VAMP7: variants seen among roughly 807,000 people sequenced by gnomAD.
VAMP7 encodes vesicle associated membrane protein 7.
VAMP7 carries 14 observed loss-of-function variants against 29.6 expected under a neutral mutation model. The ratio of observed to expected loss-of-function variants is 0.47; its 90% confidence interval spans 0.31 to 0.74. The LOEUF (loss-of-function observed/expected upper bound fraction) is 0.74, where lower values mean the gene tolerates loss of function less well. Among genes scored for constraint, VAMP7 ranks in the 30% least tolerant of loss-of-function variants. VAMP7 has a pLI of 0.05. For synonymous variants in VAMP7, 95 were observed against 88.1 expected (o/e 1.08, Z -0.44); for missense variants, 223 against 262.4 (o/e 0.85, Z 1.04).
At chrX:155,930,673 C>A (rs894838023) in intron 6 of VAMP7, among the ~76,000 whole-genome samples, 1 of 149,000 alleles carries the variant, frequency 6.7e-6, no homozygotes, top group Non-Finnish European at 1.5e-5. Context: ...AATTTTTTTT[C>A]TTTTAATTCT....
At chrX:155,897,131 C>A (rs1469909409) in intron 3 of VAMP7, among the ~76,000 whole-genome samples, 1 of 152,000 alleles carries the variant, frequency 6.6e-6, no homozygotes, top group Non-Finnish European at 1.5e-5. Context: ...AAAAAGATTT[C>A]TGTTGGTGAC....
At chrX:155,932,675 T>C (rs2066580125) in intron 6 of VAMP7, among the ~76,000 whole-genome samples, 1 of 152,176 alleles carries the variant, frequency 6.6e-6, no homozygotes, top group Non-Finnish European at 1.5e-5. Flanking sequence ...GATTTCCTCT[T>C]TTCATAATTG....
chrX:155,918,045 A>T (rs2066337996), intron 5 of VAMP7, among the ~76,000 whole-genome samples: 1 of 152,018 alleles, frequency 6.6e-6, no homozygotes, highest in Non-Finnish European at 1.5e-5. Flanking sequence ...GGCTACAGGG[A>T]CTTTGCGGAG....
chrX:155,939,097 A>AC (rs745606929), intron 6 of VAMP7, among the ~76,000 whole-genome samples: 152,232 of 152,234 alleles, frequency 1, 76,115 homozygotes, highest in Middle Eastern at 1. Flanking sequence ...GTGGGACCAT[A>AC]CCAGAGTGGA....
intron 2 of VAMP7, among the ~76,000 whole-genome samples, chrX:155,894,301 G>GTTTTT (rs1195549080): frequency 2.8e-4 from 18 of 64,870 alleles, no homozygotes; most frequent in African/African-American, 8.0e-4. Flanking sequence ...TGTGTCCTTT[G>GTTTTT]TTTTTTTTTT....
intron 2 of VAMP7, among the ~76,000 whole-genome samples, chrX:155,894,544 T>C (rs997192936): frequency 1.3e-5 from 2 of 152,062 alleles, no homozygotes; most frequent in Non-Finnish European, 2.9e-5. Context: ...CTAAATCTAT[T>C]AGGTGCTGTT....
chrX:155,908,595 A>G (rs1168553149), intron 5 of VAMP7, among the ~76,000 whole-genome samples: 3 of 115,854 alleles, frequency 2.6e-5, no homozygotes, highest in Admixed American at 2.6e-4. Context: ...AGGGAGAGCC[A>G]TTTTCTTTTC....
intron 1 of VAMP7, among the ~76,000 whole-genome samples, chrX:155,886,093 C>T (rs1215695180): frequency 6.6e-6 from 1 of 151,892 alleles, no homozygotes; most frequent in Non-Finnish European, 1.5e-5. Context: ...TTTTTCTTCC[C>T]TTCTCTCTCT....
chrX:155,898,271 G>A, intron 4 of VAMP7, 22 bp downstream of exon 4: 1 of 1,609,958 alleles, frequency 6.2e-7, no homozygotes, highest in Non-Finnish European at 8.5e-7. Context: ...CTCAGGATAA[G>A]GTATTTTGAT....
intron 4 of VAMP7, among the ~76,000 whole-genome samples, chrX:155,899,360 G>T (rs1408610689): frequency 6.6e-6 from 1 of 151,742 alleles, no homozygotes; most frequent in Non-Finnish European, 1.5e-5. Context: ...TTTAATTTAT[G>T]TTTTCATGAT....
intron 6 of VAMP7, among the ~76,000 whole-genome samples, chrX:155,930,489 C>CAA (rs35835800): frequency 3.7e-4 from 53 of 145,100 alleles, no homozygotes; most frequent in South Asian, 8.8e-4. Flanking sequence ...CAAAACCAAA[C>CAA]AAAAAAAAAA....
At chrX:155,897,641 A>G (rs932282041) in intron 3 of VAMP7, among the ~76,000 whole-genome samples, 5 of 152,178 alleles carry the variant, frequency 3.3e-5, no homozygotes, top group Non-Finnish European at 5.9e-5. Flanking sequence ...AGACATGAGT[A>G]TGTCACTTGA....
intron 3 of VAMP7, among the ~76,000 whole-genome samples, chrX:155,896,232 A>C (rs753673549): frequency 1.4e-4 from 21 of 152,318 alleles, no homozygotes; most frequent in African/African-American, 4.3e-4. Context: ...GTAGAGTTTT[A>C]GCTTAGCCTC....
chrX:155,902,927 T>G, intron 5 of VAMP7, among the ~76,000 whole-genome samples: 1 of 151,778 alleles, frequency 6.6e-6, no homozygotes, highest in Non-Finnish European at 1.5e-5. Context: ...TTGATTGGAA[T>G]AGTTTCAGAA....
intron 1 of VAMP7, among the ~76,000 whole-genome samples, chrX:155,886,711 TC>T (rs2065869947): frequency 6.6e-6 from 1 of 152,182 alleles, no homozygotes; most frequent in Non-Finnish European, 1.5e-5. Flanking sequence ...AGAATTGAAT[TC>T]AGTATTTTAC....
intron 6 of VAMP7, among the ~76,000 whole-genome samples, chrX:155,921,230 G>A (rs1226876122): frequency 2.6e-5 from 4 of 152,070 alleles, no homozygotes. Context: ...TGAACTAACA[G>A]GTATCTCTCT....
Position 155,891,793 on chromosome X carries a change from A to G in VAMP7, c.146+2181A>G, listed in dbSNP as rs142333006. 4.1e-4 allele frequency among the ~76,000 whole-genome samples: 62 copies of G among 152,298 alleles called. No individual in the cohort carries two copies. In the East Asian group the frequency reaches 0.011, roughly 28 times the overall value. On this transcript the variant is annotated intron_variant, in intron 2 of 7. Transcript: ENST00000286448. ...ACATCCAAAATGGTAGTTAGAGAGT[A>G]TATCATCTTTGGGAATTGTACCCAT...
In VAMP7 at chrX:155,898,219, C is replaced by T. The variant is rs755636475; in HGVS notation, c.312C>T (p.Ser104=). Residue 104 remains serine, a synonymous_variant, in exon 4 of 8, where the codon AGC becomes AGT. Transcript: ENST00000286448. ...AQTALPYAMN[S]EFSSVLAAQL... Reference sequence around the variant, plus strand: ...CAGCACTTCCATATGCCATGAATAGCGAGTTCTCAAGTGTCTTAGCTGCAC... The same window carrying T: ...CAGCACTTCCATATGCCATGAATAGTGAGTTCTCAAGTGTCTTAGCTGCAC... 4 of 1,613,464 alleles carry T rather than the reference C, an allele frequency of 2.5e-6. No homozygotes were observed. Among genetic ancestry groups the T allele is most frequent in the East Asian group, 2.2e-5 (1 of 44,848 alleles).
At chrX:155,898,446 A>G (rs965140799) in intron 4 of VAMP7, among the ~76,000 whole-genome samples, 197 bp downstream of exon 4, 1 of 152,054 alleles carries the variant, frequency 6.6e-6, no homozygotes, top group African/African-American at 2.4e-5. Flanking sequence ...AGTCTTTATT[A>G]TCTCTATTAA....
Sources: gnomAD v4.1 joint callset for allele counts (sites outside exome capture counted in the v4.1 genomes callset) on GRCh38, gnomAD v4.1.1 for gene constraint, MANE v1.5 for transcripts, NCBI Gene and HGNC (gene_info 2026-07-23, HGNC 2026-07-21) for gene names.